The following ADAMTSL1 variants were observed in gnomAD, a reference collection of about 807,000 sequenced individuals.
ADAMTSL1 encodes ADAMTS-like protein 1.
In ADAMTSL1, 126 loss-of-function variants were observed where a neutral mutation model predicts 201.8. That is an observed-to-expected ratio of 0.62 (90% CI 0.54 to 0.72). The LOEUF (loss-of-function observed/expected upper bound fraction) is 0.72. Among genes scored for constraint, ADAMTSL1 ranks in the 30% least tolerant of loss-of-function variants. ADAMTSL1 has a pLI of 0.00. For missense variants in ADAMTSL1, 2,679 were observed against 2,277.8 expected (o/e 1.18, Z -3.59); for synonymous variants, 1,121 against 903.4 (o/e 1.24, Z -4.32).
At chr9:18,424,619 A>C (rs1819120506) in intron 2 of ADAMTSL1, among the ~76,000 whole-genome samples, 1 of 152,198 alleles carries the variant, frequency 6.6e-6, no homozygotes. Context: ...AGGGGAAGAA[A>C]GCTGTGCCCA....
chr9:18,730,138 A>T (rs1818125886), intron 15 of ADAMTSL1, among the ~76,000 whole-genome samples: 1 of 152,116 alleles, frequency 6.6e-6, no homozygotes, highest in African/African-American at 2.4e-5. Flanking sequence ...TGAAATGATG[A>T]TTATTGCTTC....
At position 18,859,709 on chromosome 9, in the gene ADAMTSL1, G is replaced by C. The variant is rs551028347; in HGVS notation, c.4250-28122G>C. On this transcript the variant is annotated intron_variant, in intron 23 of 28. Transcript: ENST00000380548. ...GTCATGTAACCTAGGGAAATATTTG[G>C]TCACAGAGATGTATGTACTAGGAAA... Among the ~76,000 whole-genome samples, 3 of 152,270 alleles carry C rather than the reference G, an allele frequency of 2.0e-5. No homozygotes were observed. In the East Asian group the frequency reaches 5.8e-4, roughly 29 times the overall value.
intron 2 of ADAMTSL1, among the ~76,000 whole-genome samples, chr9:18,222,143 C>T (rs1830283126): frequency 6.6e-6 from 1 of 151,918 alleles, no homozygotes; most frequent in African/African-American, 2.4e-5. Context: ...TTTTTTCCAT[C>T]TTTAACTTTC....
At chr9:18,578,198 C>T (rs1284686886) in intron 4 of ADAMTSL1, among the ~76,000 whole-genome samples, 1 of 152,100 alleles carries the variant, frequency 6.6e-6, no homozygotes, top group Non-Finnish European at 1.5e-5. Flanking sequence ...TACATTATTT[C>T]TTCAGTTTAT....
At position 18,445,788 on chromosome 9, in the gene ADAMTSL1, T is replaced by A. The variant is rs566564374; in HGVS notation, c.208-59041T>A. ...TGTATTTAGAAAATCCAATATTTTT[T>A]AAAACCTACATTTAATCTTTGTCAT... is the stretch of plus-strand genomic sequence containing the variant. On this transcript the variant is annotated intron_variant, in intron 2 of 29. Coordinates refer to the ADAMTSL1 transcript ENST00000680146. Among the ~76,000 whole-genome samples the A allele has an allele frequency of 7.2e-5, 11 of 152,292 alleles. No homozygotes were observed. In the East Asian group the frequency reaches 2.1e-3, roughly 29 times the overall value.
intron 2 of ADAMTSL1, among the ~76,000 whole-genome samples, chr9:18,175,087 G>T (rs960352552): frequency 1.3e-5 from 2 of 152,118 alleles, no homozygotes; most frequent in African/African-American, 4.8e-5. Context: ...TGATATCAAG[G>T]TGCATTTATA....
chr9:18,350,587 G>T (rs1038786320), intron 2 of ADAMTSL1, among the ~76,000 whole-genome samples: 1 of 152,108 alleles, frequency 6.6e-6, no homozygotes, highest in Admixed American at 6.6e-5. Context: ...AAAGGTAGGG[G>T]GTGTTCTTGA....
Position 18,893,777 on chromosome 9 carries a change from C to CA in ADAMTSL1, c.4851+1188dup, listed in dbSNP as rs1023751518. 7.2e-5 allele frequency among the ~76,000 whole-genome samples: 11 copies of CA among 152,200 alleles called. No homozygotes were observed. The South Asian group carries it at 8.3e-4, about 12-fold the overall frequency. ...CTCCACATTCCACTCCTGTGAGACA[C>CA]AAAAAAATCCTTTTGGAATAGTGTT... is the stretch of plus-strand genomic sequence containing the variant. On this transcript the variant is annotated intron_variant, in intron 26 of 28. Coordinates refer to ENST00000380548, the MANE Select transcript of ADAMTSL1 (RefSeq NM_001040272.6).
chr9:18,334,422 AT>A (rs1334503064), intron 2 of ADAMTSL1, among the ~76,000 whole-genome samples: 7 of 152,216 alleles, frequency 4.6e-5, no homozygotes, highest in African/African-American at 1.7e-4. Context: ...TACATTGTGA[AT>A]TATGAAAAAT....
chr9:18,012,755 A>G (rs181923945), intron 1 of ADAMTSL1, among the ~76,000 whole-genome samples: 1 of 152,128 alleles, frequency 6.6e-6, no homozygotes, highest in Admixed American at 6.5e-5. Context: ...AGCATCTTTC[A>G]GGGTTGATGA....
At chr9:18,027,502 T>C (rs539721760) in intron 1 of ADAMTSL1, among the ~76,000 whole-genome samples, 35 of 152,140 alleles carry the variant, frequency 2.3e-4, no homozygotes, top group Non-Finnish European at 4.7e-4. Flanking sequence ...AGTTGTTTAG[T>C]TTCCGTGTAA....
chr9:18,025,507 A>T (rs942297170), intron 1 of ADAMTSL1, among the ~76,000 whole-genome samples: 19 of 151,880 alleles, frequency 1.3e-4, no homozygotes, highest in African/African-American at 4.6e-4. Context: ...TTTATTGAAT[A>T]GAGTCCTTTC....
At chr9:18,156,429 A>G (rs943402873) in intron 1 of ADAMTSL1, among the ~76,000 whole-genome samples, 4 of 152,022 alleles carry the variant, frequency 2.6e-5, no homozygotes, top group African/African-American at 7.2e-5. Flanking sequence ...AGCCTAGATA[A>G]TGATGTTGAC....
intron 1 of ADAMTSL1, among the ~76,000 whole-genome samples, chr9:18,026,815 G>C (rs1276161868): frequency 6.6e-6 from 1 of 152,046 alleles, no homozygotes; most frequent in East Asian, 1.9e-4. Flanking sequence ...GTAGAATTCG[G>C]CTGTGAATCC....
At chr9:18,380,724 A>G (rs755146969) in intron 2 of ADAMTSL1, among the ~76,000 whole-genome samples, 7 of 152,202 alleles carry the variant, frequency 4.6e-5, no homozygotes, top group Admixed American at 2.0e-4. Flanking sequence ...TATATATTAG[A>G]ACTTCATTTA....
At chr9:18,053,049 A>G (rs537274712) in intron 1 of ADAMTSL1, among the ~76,000 whole-genome samples, 2 of 152,312 alleles carry the variant, frequency 1.3e-5, no homozygotes, top group South Asian at 4.1e-4. Flanking sequence ...TTGCCTTTGT[A>G]ATACTGGGTC....
intron 26 of ADAMTSL1, among the ~76,000 whole-genome samples, chr9:18,902,289 A>G (rs947106550): frequency 3.3e-5 from 5 of 152,240 alleles, no homozygotes; most frequent in South Asian, 2.1e-4. Flanking sequence ...ACTCCACCCA[A>G]TAACAGCAGA....
intron 25 of ADAMTSL1, among the ~76,000 whole-genome samples, chr9:18,891,668 A>G (rs1829282781): frequency 6.6e-6 from 1 of 152,272 alleles, no homozygotes. Flanking sequence ...GGTCACGCCA[A>G]GAGATGGAAC....
At chr9:18,881,201 G>T (rs1014251678) in intron 23 of ADAMTSL1, among the ~76,000 whole-genome samples, 4 of 152,222 alleles carry the variant, frequency 2.6e-5, no homozygotes, top group African/African-American at 9.6e-5. Context: ...GTTCACTGGT[G>T]TAGCTCTTCT....
Sources: allele counts gnomAD v4.1 joint callset (sites outside exome capture counted in the v4.1 genomes callset), GRCh38; gene constraint gnomAD v4.1.1; transcripts MANE v1.5; gene names NCBI Gene and HGNC (gene_info 2026-07-23, HGNC 2026-07-21).